CHERP: variants seen among roughly 807,000 people sequenced by gnomAD.
CHERP encodes ERPROT 213-21.
In CHERP, 8 loss-of-function variants were observed where a neutral mutation model predicts 113.8. That is an observed-to-expected ratio of 0.07 (90% confidence interval 0.04 to 0.13). CHERP has a LOEUF of 0.13. Ranked by LOEUF, CHERP falls within the 10% of genes least tolerant of loss-of-function variation. The pLI is 1.00. For synonymous variants in CHERP, 559 were observed against 524.5 expected (o/e 1.07, Z -0.90); for missense variants, 884 against 1,298.2 (o/e 0.68, Z 4.90).
In CHERP at chr19:16,532,720, G is replaced by C; in HGVS notation, c.552C>G (p.Ala184=). The C allele has an allele frequency of 6.2e-7, 1 of 1,612,116 alleles. No homozygotes were observed. The highest frequency in any genetic ancestry group is 8.5e-7 in the Non-Finnish European group (1 of 1,178,620). The change falls in exon 5 of 17, where the codon GCC becomes GCG. Residue 184 remains alanine (A), a synonymous_variant. Transcript: ENST00000546361. The surrounding 1 kb of genome is among the most constrained non-coding windows in gnomAD (Gnocchi z 4.4). The part of the protein sequence containing the change: ...SAGKNWMFSN[A]KSPPHCELMA... ...TCAGCTCACAGTGCGGCGGGGACTT[G>C]GCATTGCTGAACATCCAGTTCTTCC...
rs755239958 is a variant in CHERP at position 16,532,666 on chromosome 19, C to T, written c.606G>A (p.Thr202=). 2.0e-5 allele frequency: 32 copies of T among 1,613,368 alleles called. No homozygotes were observed. Among genetic ancestry groups the T allele is most frequent in the South Asian group, 8.8e-5 (8 of 91,084 alleles). The change falls in exon 5 of 17, where the codon ACG becomes ACA. Residue 202 remains threonine, a synonymous_variant. Coordinates refer to ENST00000546361, the MANE Select transcript of CHERP (RefSeq NM_006387.6). This position sits in a 1 kb window ranked among gnomAD's most constrained non-coding sequence, Gnocchi z 4.4. Reference sequence around the variant, plus strand: ...GCAGCTCGAAGTGTGCCCCATCAGCCGTGATGCGGTTCCGGAGGTGGCCGG... The same window carrying T: ...GCAGCTCGAAGTGTGCCCCATCAGCTGTGATGCGGTTCCGGAGGTGGCCGG... ...LMAGHLRNRI[T]ADGAHFELRL...
Position 16,530,832 on chromosome 19 carries a change from C to T in CHERP, c.723G>A (p.Val241=), listed in dbSNP as rs1737260619. 1.9e-6 allele frequency: 3 copies of T among 1,613,738 alleles called. No homozygotes were observed. Among genetic ancestry groups the T allele is most frequent in the Admixed American group, 1.7e-5 (1 of 60,004 alleles). The part of the protein sequence containing the change: ...RELLAALQKV[V]VPIYCTSFLA... Reference sequence around the variant, plus strand: ...AGAAGCTGGTGCAGTAGATGGGCACCACGACCTTCTGCAGGGCGGCCAGCA... The same window carrying T: ...AGAAGCTGGTGCAGTAGATGGGCACTACGACCTTCTGCAGGGCGGCCAGCA... The change falls in exon 6 of 17, where the codon GTG becomes GTA. Residue 241 remains valine, a synonymous_variant. Transcript: ENST00000546361. The surrounding 1 kb of genome is among the most constrained non-coding windows in gnomAD (Gnocchi z 4.1).
intron 2 of CHERP, among the ~76,000 whole-genome samples, chr19:16,538,555 C>A (rs142885484): frequency 3.9e-5 from 6 of 152,150 alleles, no homozygotes; most frequent in Non-Finnish European, 8.8e-5. Flanking sequence ...TGGTGGCGCA[C>A]GCCTGTAGTC....
chr19:16,532,426 G>C lies in CHERP; in HGVS notation c.674+172C>G, dbSNP rs12461824. On this transcript the variant is annotated intron_variant, in intron 5 of 16. Transcript: ENST00000546361. The surrounding 1 kb of genome is among the most constrained non-coding windows in gnomAD (Gnocchi z 4.4). ...AGGACACCTAGACCTCGCAGTCCTG[G>C]AGACAGAAGCCTGGTGGCTCACAGA... The C allele has an allele frequency of 0.074, 55,474 of 753,386 alleles. 2,354 individuals carry two copies. Among genetic ancestry groups the C allele is most frequent in the Admixed American group, 0.14 (4,537 of 33,150 alleles). 46.7% of individuals were successfully genotyped at this position (753,386 alleles called of 1,614,324 possible). A position where few individuals can be genotyped will look rare whatever the true frequency, so the allele number is the denominator to read the frequency against.
Position 16,519,291 on chromosome 19 carries a change from G to T in CHERP, c.2619C>A (p.Gly873=). The T allele has an allele frequency of 1.2e-6, 2 of 1,613,948 alleles. No homozygotes were observed. Among genetic ancestry groups the T allele is most frequent in the Non-Finnish European group, 1.7e-6 (2 of 1,180,012 alleles). The part of the protein sequence containing the change: ...KEQGIQDPIK[G]GDVRDKWDQY... ...GGTCCCACTTATCCCGGACGTCCCCGCCCTTGATGGGGTCCTGGATCCCTT... is the reference window on the plus strand; with the variant it reads ...GGTCCCACTTATCCCGGACGTCCCCTCCCTTGATGGGGTCCTGGATCCCTT... Residue 873 remains glycine (G), a synonymous_variant, in exon 17 of 17, where the codon GGC becomes GGA. Coordinates refer to ENST00000546361, the MANE Select transcript of CHERP (RefSeq NM_006387.6). This position sits in a 1 kb window ranked among gnomAD's most constrained non-coding sequence, Gnocchi z 6.0.
Position 16,534,052 on chromosome 19 carries a change from C to CTTTTT in CHERP, c.385-905_385-904insAAAAA, listed in dbSNP as rs200659711. On this transcript the variant is annotated intron_variant, in intron 3 of 16. Transcript: ENST00000546361. ...GGTGAGCATTCTGGAACTTTCTTTT[C>CTTTTT]TTTTCTTTTTTTTTTTTTTGAGATG... 5.2e-5 allele frequency among the ~76,000 whole-genome samples: 7 copies of CTTTTT among 133,818 alleles called. 1 individual carries two copies. Among genetic ancestry groups the CTTTTT allele is most frequent in the Admixed American group, 1.4e-4 (2 of 13,830 alleles). The allele number at this position is 133,818 out of a possible 152,430, so 87.8% of individuals were successfully genotyped here. A position where few individuals can be genotyped will look rare whatever the true frequency, so the allele number is the denominator to read the frequency against.
At chr19:16,542,275 G>C in intron 1 of CHERP, 79 bp downstream of exon 1, 1 of 1,272,430 alleles carries the variant, frequency 7.9e-7, no homozygotes, top group Non-Finnish European at 1.0e-6. Flanking sequence ...TCCCAGACCC[G>C]GGGACTCCGG....
Position 16,519,728 on chromosome 19 carries a change from CAG to C in CHERP, c.2463-15_2463-14del. The C allele has an allele frequency of 6.2e-7, 1 of 1,603,488 alleles. No individual in the cohort carries two copies. Among genetic ancestry groups the C allele is most frequent in the Non-Finnish European group, 8.5e-7 (1 of 1,170,482 alleles). On this transcript the variant is annotated splice_polypyrimidine_tract_variant and intron_variant, in intron 15 of 16. Transcript: ENST00000546361. The surrounding 1 kb of genome is among the most constrained non-coding windows in gnomAD (Gnocchi z 6.0). ...ACCAGCAGAGGAACTAAAATCGAGA[CAG>C]GTTATTCTTTTTAAGAAGTAACTGA... is the stretch of plus-strand genomic sequence containing the variant.
At chr19:16,536,241 A>G (rs1471462509) in intron 2 of CHERP, among the ~76,000 whole-genome samples, 1 of 152,006 alleles carries the variant, frequency 6.6e-6, no homozygotes, top group Non-Finnish European at 1.5e-5. Flanking sequence ...GGGTGCATCC[A>G]GTTTGAGGCA....
chr19:16,532,588 C>T lies in CHERP; in HGVS notation c.674+10G>A, dbSNP rs758160368. On this transcript the variant is annotated intron_variant, in intron 5 of 16. Coordinates refer to ENST00000546361, the MANE Select transcript of CHERP (RefSeq NM_006387.6). The surrounding 1 kb of genome is among the most constrained non-coding windows in gnomAD (Gnocchi z 4.4). ...AAGTGGCGCTCTGGGCACGGGGTGG[C>T]GGCGCTCACCAGTGGTGCAGCACGT... is the stretch of plus-strand genomic sequence containing the variant. The T allele has an allele frequency of 5.7e-6, 9 of 1,586,458 alleles. No individual in the cohort carries two copies. The highest frequency in any genetic ancestry group is 1.7e-5 in the Admixed American group (1 of 58,998).
In CHERP at chr19:16,518,427, T is replaced by C. The variant is rs1277043411; in HGVS notation, c.*732A>G. 6.6e-6 allele frequency: 1 copy of C among 152,076 alleles called. No individual in the cohort carries two copies. The highest frequency in any genetic ancestry group is 1.5e-5 in the Non-Finnish European group (1 of 68,034). The allele number at this position is 152,076 out of a possible 1,614,324, so 9.4% of individuals were successfully genotyped here. ...TCCTGTTAGAATCTTGTTTCCCAGA[T>C]AACAGCAAATGGCTACATTCCAGAA... On this transcript the variant is annotated 3_prime_UTR_variant, in exon 17 of 17. Coordinates refer to ENST00000546361, the MANE Select transcript of CHERP (RefSeq NM_006387.6).
chr19:16,535,301 G>C lies in CHERP; in HGVS notation c.384+151C>G. 5.2e-6 allele frequency: 4 copies of C among 773,140 alleles called. No homozygotes were observed. Among genetic ancestry groups the C allele is most frequent in the Non-Finnish European group, 8.4e-6 (4 of 478,872 alleles). 47.9% of individuals were successfully genotyped at this position (773,140 alleles called of 1,614,324 possible). A position where few individuals can be genotyped will look rare whatever the true frequency, so the allele number is the denominator to read the frequency against. On this transcript the variant is annotated intron_variant, in intron 3 of 16. Transcript: ENST00000546361. The surrounding 1 kb of genome is among the most constrained non-coding windows in gnomAD (Gnocchi z 4.3). ...AGCCTCTGTGTCTGGCATCAGGGCT[G>C]GGGGTGACAGTGGCTGACATGCACC...
intron 8 of CHERP, 152 bp downstream of exon 8, chr19:16,529,496 G>A: frequency 1.1e-6 from 1 of 943,630 alleles, no homozygotes; most frequent in Non-Finnish European, 1.5e-6. Flanking sequence ...GCTCGTGCTT[G>A]TAAATGGATG....
rs376280052 is a variant in CHERP at position 16,542,074 on chromosome 19, G to A, written c.26-31C>T. 6.2e-5 allele frequency: 99 copies of A among 1,591,686 alleles called. No homozygotes were observed. The African/African-American group carries it at 1.2e-3, about 19-fold the overall frequency. On this transcript the variant is annotated intron_variant, in intron 1 of 16. Transcript: ENST00000546361. ...GGACGGAGAAAAGGCCACGCGGGGCGTCAGCGAGGACCGCCCAAAGCCGGG... is the reference window on the plus strand; with the variant it reads ...GGACGGAGAAAAGGCCACGCGGGGCATCAGCGAGGACCGCCCAAAGCCGGG...
Position 16,525,024 on chromosome 19 carries a change from C to T in CHERP, c.1741+218G>A, listed in dbSNP as rs888053281. Among the ~76,000 whole-genome samples, 2 of 152,342 alleles carry T rather than the reference C, an allele frequency of 1.3e-5. No individual in the cohort carries two copies. Among genetic ancestry groups the T allele is most frequent in the Middle Eastern group, 3.4e-3 (1 of 294 alleles). On this transcript the variant is annotated intron_variant, in intron 10 of 16. Transcript: ENST00000546361. This position sits in a 1 kb window ranked among gnomAD's most constrained non-coding sequence, Gnocchi z 6.5. ...AGGAACCTTTTCCTACTGGCTCTGCCTCATCTGCAGCCAGCCGGGCCTCAT... is the reference window on the plus strand; with the variant it reads ...AGGAACCTTTTCCTACTGGCTCTGCTTCATCTGCAGCCAGCCGGGCCTCAT...
At chr19:16,529,357 T>A (rs1168534671) in intron 8 of CHERP, among the ~76,000 whole-genome samples, 1 of 152,234 alleles carries the variant, frequency 6.6e-6, no homozygotes, top group Non-Finnish European at 1.5e-5. Context: ...TCCTGCCTGA[T>A]GTAATAGTTA....
In CHERP at chr19:16,535,608, C is replaced by T. The variant is rs754254865; in HGVS notation, c.228G>A (p.Leu76=). 8 of 1,538,082 alleles carry T rather than the reference C, an allele frequency of 5.2e-6. No homozygotes were observed. The highest frequency in any genetic ancestry group is 1.8e-4 in the Middle Eastern group (1 of 5,480). Reference sequence around the variant, plus strand: ...GGGGTGGCATGGTGGCGGCTGGCTCCAGCTCCGGGGTCTGCTGCTTGCAGA... The same window carrying T: ...GGGGTGGCATGGTGGCGGCTGGCTCTAGCTCCGGGGTCTGCTGCTTGCAGA... The part of the protein sequence containing the change: ...QLICKQQTPE[L]EPAATMPPLP... Residue 76 remains leucine (L), a synonymous_variant, in exon 3 of 17, where the codon CTG becomes CTA. Coordinates refer to ENST00000546361, the MANE Select transcript of CHERP (RefSeq NM_006387.6). The surrounding 1 kb of genome is among the most constrained non-coding windows in gnomAD (Gnocchi z 4.3).
Position 16,518,465 on chromosome 19 carries a change from C to T in CHERP, c.*694G>A, listed in dbSNP as rs1305999240. On this transcript the variant is annotated 3_prime_UTR_variant, in exon 17 of 17. Coordinates refer to ENST00000546361, the MANE Select transcript of CHERP (RefSeq NM_006387.6). ...CTACATTCCAGAAAAAAAATATCAA[C>T]TTATACAACTAAAATAACTGAACTA... 6.6e-6 allele frequency: 1 copy of T among 152,182 alleles called. No homozygotes were observed. Among genetic ancestry groups the T allele is most frequent in the Non-Finnish European group, 1.5e-5 (1 of 68,040 alleles). The allele number at this position is 152,182 out of a possible 1,614,324, so 9.4% of individuals were successfully genotyped here. A position where few individuals can be genotyped will look rare whatever the true frequency, so the allele number is the denominator to read the frequency against.
Position 16,525,350 on chromosome 19 carries a change from T to G in CHERP, c.1633A>C (p.Asn545His). ...TGCATGAAGCGGGGCGGGAAGCGGTTGAAGTTGTGGGGGTGCGGAGGCTGG... is the reference window on the plus strand; with the variant it reads ...TGCATGAAGCGGGGCGGGAAGCGGTGGAAGTTGTGGGGGTGCGGAGGCTGG... ...FNQPPHPHNF[N>H]RFPPRFMQDD... The change falls in exon 10 of 17, where the codon AAC becomes CAC. Residue 545 changes from asparagine (N) to histidine (H), a missense_variant. By Grantham distance (68) the Asn-to-His change is moderately conservative. Coordinates refer to ENST00000546361, the MANE Select transcript of CHERP (RefSeq NM_006387.6). The surrounding 1 kb of genome is among the most constrained non-coding windows in gnomAD (Gnocchi z 6.5). 6.7e-7 allele frequency: 1 copy of G among 1,483,492 alleles called. No individual in the cohort carries two copies. Among genetic ancestry groups the G allele is most frequent in the South Asian group, 1.4e-5 (1 of 71,208 alleles). The allele number at this position is 1,483,492 out of a possible 1,614,324, so 91.9% of individuals were successfully genotyped here.
Sources: gnomAD v4.1 joint callset for allele counts (sites outside exome capture counted in the v4.1 genomes callset) on GRCh38, gnomAD v4.1.1 for gene constraint, Gnocchi (gnomAD v3.1) non-coding constraint, MANE v1.5 for transcripts, NCBI Gene and HGNC (gene_info 2026-07-23, HGNC 2026-07-21) for gene names.